Variants in SBK1 observed in about 807,000 individuals in gnomAD.
SBK1 encodes serine/threonine-protein kinase SBK1.
A neutral mutation model predicts 24.4 loss-of-function variants in SBK1; 11 were observed. The observed-to-expected ratio is 0.45, with a 90% confidence interval of 0.28 to 0.75. The LOEUF (loss-of-function observed/expected upper bound fraction) is 0.75. Among genes scored for constraint, SBK1 ranks in the 30% least tolerant of loss-of-function variants. The pLI, the probability that SBK1 is intolerant of heterozygous loss-of-function variation, is 0.12. For missense variants in SBK1, 467 were observed against 620.5 expected (o/e 0.75, Z 2.63); for synonymous variants, 308 against 284.4 (o/e 1.08, Z -0.83).
chr16:28,293,061 A>G lies in SBK1; in HGVS notation c.-247A>G. ...AGATCAGGGGATCCCAATTCCCCCC[A>G]ACTCCGGTACATAGAAATCCCAAAT... On this transcript the variant is annotated 5_prime_UTR_variant, in exon 1 of 4. Coordinates refer to ENST00000341901, the MANE Select transcript of SBK1 (RefSeq NM_001024401.3). 2.0e-6 allele frequency: 2 copies of G among 985,672 alleles called. No homozygotes were observed. The highest frequency in any genetic ancestry group is 2.4e-6 in the Non-Finnish European group (2 of 830,076). 61.1% of individuals were successfully genotyped at this position (985,672 alleles called of 1,614,324 possible).
intron 1 of SBK1, among the ~76,000 whole-genome samples, chr16:28,279,131 C>G (rs2044513131): frequency 1.3e-5 from 2 of 150,700 alleles, no homozygotes; most frequent in Admixed American, 1.3e-4. Context: ...CACTTGAACC[C>G]AAGAGGCGGA....
chr16:28,317,634 T>TGGCAGGGCTGAGAGGTTGGGGTGG lies in SBK1; in HGVS notation c.226+28_226+51dup, dbSNP rs1315616453. 3 of 1,284,270 alleles carry TGGCAGGGCTGAGAGGTTGGGGTGG rather than the reference T, an allele frequency of 2.3e-6. No homozygotes were observed. The highest frequency in any genetic ancestry group is 3.3e-6 in the Non-Finnish European group (3 of 914,692). 79.6% of individuals were successfully genotyped at this position (1,284,270 alleles called of 1,614,324 possible). ...AGGGCACAGGTGAACAAGTGCAGGG[T>TGGCAGGGCTGAGAGGTTGGGGTGG]GGCAGGGCTGAGAGGTTGGGGTGGG... On this transcript the variant is annotated intron_variant, in intron 2 of 3. Coordinates refer to ENST00000341901, the MANE Select transcript of SBK1 (RefSeq NM_001024401.3). The surrounding 1 kb of genome is among the most constrained non-coding windows in gnomAD (Gnocchi z 4.2).
chr16:28,265,668 G>T (rs1205445409), intron 1 of SBK1, among the ~76,000 whole-genome samples: 1 of 151,872 alleles, frequency 6.6e-6, no homozygotes, highest in African/African-American at 2.4e-5. Context: ...AGTCAAGAGT[G>T]ACTTTGATAA....
chr16:28,276,057 TGGA>T (rs991115553), intron 1 of SBK1, among the ~76,000 whole-genome samples: 13 of 151,152 alleles, frequency 8.6e-5, no homozygotes, highest in African/African-American at 2.9e-4. Flanking sequence ...ATGGAAGAAG[TGGA>T]GGAGGAGGGA....
At chr16:28,269,868 T>G (rs1233641636) in intron 1 of SBK1, among the ~76,000 whole-genome samples, 1 of 151,874 alleles carries the variant, frequency 6.6e-6, no homozygotes, top group East Asian at 1.9e-4. Flanking sequence ...AGAGCAAGAC[T>G]CCGTCTCAAA....
chr16:28,292,410 G>A, upstream of SBK1: 3 of 482,534 alleles, frequency 6.2e-6, no homozygotes, highest in Non-Finnish European at 8.0e-6. Context: ...GAGCGCGCTT[G>A]CGCGAGGGCG....
In SBK1 at chr16:28,267,307, G is replaced by A. The variant is rs545689884; in HGVS notation, c.257+7805G>A. 6.6e-5 allele frequency among the ~76,000 whole-genome samples: 10 copies of A among 152,198 alleles called. No homozygotes were observed. The East Asian group carries it at 1.4e-3, about 21-fold the overall frequency. ...ACTTCCGAGCTCAAGTGATCCTCCC[G>A]CCTCAGTTTCCCAAAGTGTTGGGAT... On this transcript the variant is annotated intron_variant, in intron 1 of 3. Coordinates refer to the SBK1 transcript ENST00000671413.
chr16:28,287,617 T>C (rs2044574648), upstream of SBK1, among the ~76,000 whole-genome samples: 1 of 152,132 alleles, frequency 6.6e-6, no homozygotes, highest in Non-Finnish European at 1.5e-5. Flanking sequence ...ACTGCACCAT[T>C]GCAGGCTGCT....
In SBK1 at chr16:28,319,223, G is replaced by A; in HGVS notation, c.429+26G>A. 6.3e-7 allele frequency: 1 copy of A among 1,589,750 alleles called. No individual in the cohort carries two copies. Among genetic ancestry groups the A allele is most frequent in the Non-Finnish European group, 8.6e-7 (1 of 1,158,022 alleles). ...GTACTCGGGATGGTGGCATAGGGTG[G>A]GGAAAGGGTCTTCAGGGTCCCAGAG... On this transcript the variant is annotated intron_variant, in intron 3 of 3. Coordinates refer to ENST00000341901, the MANE Select transcript of SBK1 (RefSeq NM_001024401.3). The surrounding 1 kb of genome is among the most constrained non-coding windows in gnomAD (Gnocchi z 4.0).
chr16:28,279,832 C>T (rs917798239), intron 1 of SBK1, among the ~76,000 whole-genome samples: 7 of 151,852 alleles, frequency 4.6e-5, no homozygotes, highest in African/African-American at 9.7e-5. Context: ...CATGGGGAGG[C>T]GGCCGGCTTC....
intron 1 of SBK1, among the ~76,000 whole-genome samples, chr16:28,274,073 A>G (rs2044482736): frequency 6.6e-6 from 1 of 152,226 alleles, no homozygotes; most frequent in Non-Finnish European, 1.5e-5. Flanking sequence ...GGAGGGATGA[A>G]GAGGTACAGC....
At chr16:28,280,146 T>TATATATATATATAC (rs1282170168) in intron 1 of SBK1, among the ~76,000 whole-genome samples, 2 of 94,236 alleles carry the variant, frequency 2.1e-5, no homozygotes, top group African/African-American at 7.8e-5. Flanking sequence ...TATATATATA[T>TATATATATATATAC]ATATGTGTGT....
At position 28,319,962 on chromosome 16, in the gene SBK1, TG is replaced by T; in HGVS notation, c.430-110del. Reference sequence around the variant, plus strand: ...GCGTCTGCGCGGTCGCCCCAGTTACTGGGGACAGGGTGGGAGGCGAAAACCG... The same window carrying T: ...GCGTCTGCGCGGTCGCCCCAGTTACTGGGACAGGGTGGGAGGCGAAAACCG... On this transcript the variant is annotated intron_variant, in intron 3 of 3. Coordinates refer to ENST00000341901, the MANE Select transcript of SBK1 (RefSeq NM_001024401.3). This position sits in a 1 kb window ranked among gnomAD's most constrained non-coding sequence, Gnocchi z 4.0. 9.4e-7 allele frequency: 1 copy of T among 1,067,040 alleles called. No homozygotes were observed. The highest frequency in any genetic ancestry group is 1.3e-6 in the Non-Finnish European group (1 of 785,868). The allele number at this position is 1,067,040 out of a possible 1,614,324, so 66.1% of individuals were successfully genotyped here. A position where few individuals can be genotyped will look rare whatever the true frequency, so the allele number is the denominator to read the frequency against.
intron 1 of SBK1, among the ~76,000 whole-genome samples, chr16:28,281,357 G>C (rs554599627): frequency 6.6e-6 from 1 of 152,224 alleles, no homozygotes; most frequent in Admixed American, 6.5e-5. Context: ...CCTGGGATTG[G>C]AGCCAGGTGT....
upstream of SBK1, among the ~76,000 whole-genome samples, chr16:28,288,645 G>A (rs1320248686): frequency 1.3e-5 from 2 of 152,208 alleles, no homozygotes; most frequent in African/African-American, 4.8e-5. Context: ...CAGTCCTGAG[G>A]GACCTAAATT....
chr16:28,259,028 G>A (rs1048701235), upstream of SBK1: 1 of 152,608 alleles, frequency 6.6e-6, no homozygotes, highest in African/African-American at 2.4e-5. The surrounding 1 kb of genome is among the most constrained non-coding windows in gnomAD (Gnocchi z 6.0). Context: ...GACAGCCACA[G>A]AGTGGGCAGC....
At position 28,307,817 on chromosome 16, in the gene SBK1, A is replaced by G. The variant is rs1388220375; in HGVS notation, c.-7-9568A>G. Among the ~76,000 whole-genome samples, 4 of 152,240 alleles carry G rather than the reference A, an allele frequency of 2.6e-5. No individual in the cohort carries two copies. The East Asian group carries it at 7.7e-4, about 29-fold the overall frequency. The stretch of plus-strand genomic sequence containing the variant: ...TTTCAAGATGCGTTTTGGAGGGGAC[A>G]TTAAAACCGTAGCAATATCTCTTCC... On this transcript the variant is annotated intron_variant, in intron 1 of 3. Transcript: ENST00000341901.
chr16:28,277,619 T>A (rs2044502167), intron 1 of SBK1, among the ~76,000 whole-genome samples: 1 of 152,140 alleles, frequency 6.6e-6, no homozygotes, highest in Non-Finnish European at 1.5e-5. Context: ...TGATCACACC[T>A]CTGCACTCCA....
Position 28,320,458 on chromosome 16 carries a change from G to A in SBK1, c.812G>A (p.Arg271Gln), listed in dbSNP as rs200502654. 1.3e-6 allele frequency: 2 copies of A among 1,576,154 alleles called. No individual in the cohort carries two copies. The highest frequency in any genetic ancestry group is 1.7e-6 in the Non-Finnish European group (2 of 1,168,472). ...AFFEEFVRWQ[R>Q]GRLPGLPSQW... ...TTCGAGGAGTTCGTGCGCTGGCAGC[G>A]GGGCCGCCTGCCGGGGCTGCCTTCG... Residue 271 changes from arginine to glutamine, a missense_variant, in exon 4 of 4, where the codon CGG (arginine) becomes CAG (glutamine). Physicochemically the swap from Arg to Gln is conservative, Grantham distance 43 (BLOSUM62 1). Around this residue, in one of 4 missense-constraint regions of SBK1, gnomAD observed 86 missense variants for 121.7 expected, o/e 0.71. Transcript: ENST00000341901. This position sits in a 1 kb window ranked among gnomAD's most constrained non-coding sequence, Gnocchi z 8.5.
Sources: gnomAD v4.1 joint callset for allele counts (sites outside exome capture counted in the v4.1 genomes callset) on GRCh38, gnomAD v4.1.1 for gene constraint, gnomAD v4.1.1 regional missense constraint, Gnocchi (gnomAD v3.1) non-coding constraint, MANE v1.5 for transcripts, NCBI Gene and HGNC (gene_info 2026-07-23, HGNC 2026-07-21) for gene names.